The following NTM variants were observed in gnomAD, a reference collection of about 807,000 sequenced individuals.
NTM encodes the protein neurotrimin.
NTM carries 13 observed loss-of-function variants against 42.1 expected under a neutral mutation model. That is an observed-to-expected ratio of 0.31 (90% CI 0.20 to 0.49). The LOEUF (loss-of-function observed/expected upper bound fraction) is 0.49, where lower values mean the gene tolerates loss of function less well. Among genes scored for constraint, NTM ranks in the 20% least tolerant of loss-of-function variants. The probability of loss-of-function intolerance (pLI) is 0.99; values close to 1 mark genes in which losing one functional copy is unlikely to be tolerated. For synonymous variants in NTM, 187 were observed against 179.2 expected (o/e 1.04, Z -0.35); for missense variants, 373 against 452.8 (o/e 0.82, Z 1.60).
intron 1 of NTM, among the ~76,000 whole-genome samples, chr11:131,633,754 TCC>T (rs1491420588): frequency 2.1e-3 from 87 of 42,100 alleles, no homozygotes; most frequent in African/African-American, 7.2e-3. Context: ...TCTCTCTCCC[TCC>T]CTCTCTCTCC....
At position 132,317,151 on chromosome 11, in the gene NTM, G is replaced by A. The variant is rs139632153; in HGVS notation, c.934+2448G>A. On this transcript the variant is annotated intron_variant, in intron 7 of 8. Transcript: ENST00000683400. The stretch of plus-strand genomic sequence containing the variant: ...TCCTTCCCATCACAAGCACCTGATC[G>A]CTAAGGTGACAGGGCTTGCAGGGGC... Among the ~76,000 whole-genome samples the A allele has an allele frequency of 1.0e-2, 1,520 of 152,236 alleles. 16 individuals are homozygous for A. Among genetic ancestry groups the A allele is most frequent in the Middle Eastern group, 0.017 (5 of 294 alleles).
intron 2 of NTM, among the ~76,000 whole-genome samples, chr11:132,059,367 A>G (rs747163981): frequency 1.3e-5 from 2 of 152,196 alleles, no homozygotes; most frequent in Non-Finnish European, 2.9e-5. Flanking sequence ...AAATGTAGAG[A>G]CGCATTTGCT....
chr11:131,424,032 C>T (rs1947804602), intron 1 of NTM, among the ~76,000 whole-genome samples: 1 of 152,190 alleles, frequency 6.6e-6, no homozygotes, highest in South Asian at 2.1e-4. Flanking sequence ...ACTTCACCCT[C>T]CCTTCTGAGT....
At chr11:132,125,852 ATGCTGTGGTATGTGGTGTG>A (rs1048142503) in intron 2 of NTM, among the ~76,000 whole-genome samples, 5 of 9,264 alleles carry the variant, frequency 5.4e-4, no homozygotes, top group Admixed American at 1.1e-3. Flanking sequence ...GGCTGGGTGT[ATGCTGTGGTATGTGGTGTG>A]TGCTGTGGTA....
In NTM at chr11:131,601,588, C is replaced by CT. The variant is rs1214003197; in HGVS notation, c.82+230712dup. 1.3e-3 allele frequency among the ~76,000 whole-genome samples: 193 copies of CT among 144,188 alleles called. 1 individual carries two copies. Among genetic ancestry groups the CT allele is most frequent in the African/African-American group, 1.8e-3 (70 of 39,518 alleles). 94.6% of individuals were successfully genotyped at this position (144,188 alleles called of 152,430 possible). On this transcript the variant is annotated intron_variant, in intron 1 of 8. Transcript: ENST00000683400. Reference sequence around the variant, plus strand: ...CCCACCTCAAACCCCCTTCCCTCTCCTTTTTTTTTTTTAAGGCAGCCCCAG... The same window carrying CT: ...CCCACCTCAAACCCCCTTCCCTCTCCTTTTTTTTTTTTTAAGGCAGCCCCAG...
intron 3 of NTM, among the ~76,000 whole-genome samples, chr11:132,167,690 T>C (rs1232960610): frequency 6.6e-6 from 1 of 152,210 alleles, no homozygotes; most frequent in Non-Finnish European, 1.5e-5. Context: ...CTCAAAATAA[T>C]GTATTGTATT....
chr11:131,911,846 G>A (rs2055106271), intron 2 of NTM, among the ~76,000 whole-genome samples, 198 bp downstream of exon 2: 2 of 152,106 alleles, frequency 1.3e-5, no homozygotes, highest in African/African-American at 2.4e-5. Flanking sequence ...AGGTTCTGGC[G>A]GTGAGCTTTT....
intron 1 of NTM, among the ~76,000 whole-genome samples, chr11:131,463,047 C>T (rs567853064): frequency 1.4e-4 from 22 of 152,300 alleles, no homozygotes; most frequent in African/African-American, 4.3e-4. Context: ...CAGCAATTGC[C>T]GGCCCTTTAG....
intron 1 of NTM, among the ~76,000 whole-genome samples, chr11:131,758,527 A>T (rs935353644): frequency 2.0e-5 from 3 of 151,400 alleles, no homozygotes; most frequent in African/African-American, 7.3e-5. Flanking sequence ...TTTTCTGCCT[A>T]TTTTCTTTTC....
chr11:131,818,050 A>G (rs1405465291), intron 1 of NTM, among the ~76,000 whole-genome samples: 1 of 152,180 alleles, frequency 6.6e-6, no homozygotes, highest in African/African-American at 2.4e-5. Context: ...TACACACTTG[A>G]CACACATCAG....
chr11:131,865,157 C>T (rs1181469033), intron 1 of NTM, among the ~76,000 whole-genome samples: 2 of 152,218 alleles, frequency 1.3e-5, no homozygotes, highest in East Asian at 3.9e-4. Flanking sequence ...TTAGTATCCC[C>T]ATTTACAGAT....
chr11:131,548,722 G>A (rs944011505), intron 1 of NTM, among the ~76,000 whole-genome samples: 2 of 152,110 alleles, frequency 1.3e-5, no homozygotes, highest in Non-Finnish European at 2.9e-5. Context: ...TCTATCAAAT[G>A]CACCCATTGC....
intron 2 of NTM, among the ~76,000 whole-genome samples, chr11:132,047,401 A>G (rs1365823559): frequency 6.6e-6 from 1 of 152,288 alleles, no homozygotes; most frequent in African/African-American, 2.4e-5. Context: ...CAAAGGCTCC[A>G]GGCCAGCCTG....
At chr11:131,661,351 G>C in intron 1 of NTM, 1 of 170,604 alleles carries the variant, frequency 5.9e-6, no homozygotes, top group Non-Finnish European at 1.3e-5. Flanking sequence ...AAGTGTTCTG[G>C]AGAGGCAGGA....
chr11:132,290,769 G>T (rs147603923), intron 4 of NTM, among the ~76,000 whole-genome samples: 1 of 152,260 alleles, frequency 6.6e-6, no homozygotes, highest in East Asian at 1.9e-4. Context: ...TAGTTAAGAT[G>T]TACAGTGAAT....
At chr11:132,007,190 T>C (rs1438293048) in intron 2 of NTM, among the ~76,000 whole-genome samples, 1 of 152,232 alleles carries the variant, frequency 6.6e-6, no homozygotes, top group Admixed American at 6.5e-5. Flanking sequence ...AACCTACTTA[T>C]CCTGACTGTT....
chr11:131,869,860 C>T (rs1415934009), intron 1 of NTM, among the ~76,000 whole-genome samples: 2 of 152,200 alleles, frequency 1.3e-5, no homozygotes, highest in African/African-American at 4.8e-5. Context: ...GAGCACGGCT[C>T]TCACTCACCT....
chr11:132,187,764 G>A (rs2078660930), intron 3 of NTM, among the ~76,000 whole-genome samples: 1 of 152,184 alleles, frequency 6.6e-6, no homozygotes, highest in Non-Finnish European at 1.5e-5. Flanking sequence ...TATGACAGGA[G>A]CGTGATAGGG....
intron 1 of NTM, among the ~76,000 whole-genome samples, chr11:131,683,919 T>G (rs537586805): frequency 6.6e-6 from 1 of 152,256 alleles, no homozygotes; most frequent in East Asian, 1.9e-4. Flanking sequence ...GAGGGTGGGA[T>G]GTACTTGCAC....
Sources: allele counts gnomAD v4.1 joint callset (sites outside exome capture counted in the v4.1 genomes callset), GRCh38; gene constraint gnomAD v4.1.1; transcripts MANE v1.5; gene names NCBI Gene and HGNC (gene_info 2026-07-23, HGNC 2026-07-21).